Variants in EPHA3 observed in about 807,000 individuals in gnomAD.
EPHA3 encodes EPH receptor A3, also known as ephrin type-A receptor 3.
EPHA3 carries 42 observed loss-of-function variants against 107.1 expected under a neutral mutation model. That is an observed-to-expected ratio of 0.39 (90% confidence interval 0.31 to 0.51). The LOEUF (loss-of-function observed/expected upper bound fraction) is 0.51, where lower values mean the gene tolerates loss of function less well. Among genes scored for constraint, EPHA3 ranks in the 20% least tolerant of loss-of-function variants. The pLI, the probability that EPHA3 is intolerant of heterozygous loss-of-function variation, is 0.78. For missense variants in EPHA3, 1,183 were observed against 1,211.2 expected (o/e 0.98, Z 0.35); for synonymous variants, 461 against 424.8 (o/e 1.09, Z -1.05).
At chr3:89,356,746 T>C (rs1288976635) in intron 5 of EPHA3, among the ~76,000 whole-genome samples, 1 of 150,968 alleles carries the variant, frequency 6.6e-6, no homozygotes, top group Non-Finnish European at 1.5e-5. Context: ...GTAATGGAAA[T>C]GACTGATTGA....
intron 5 of EPHA3, among the ~76,000 whole-genome samples, chr3:89,345,728 C>T (rs548289302): frequency 3.7e-4 from 54 of 144,874 alleles, no homozygotes; most frequent in Admixed American, 1.5e-3. Context: ...AACTCGTCAT[C>T]TAGCATTAGG....
intron 3 of EPHA3, among the ~76,000 whole-genome samples, chr3:89,253,096 A>T (rs1459396743): frequency 6.6e-6 from 1 of 152,034 alleles, no homozygotes; most frequent in Non-Finnish European, 1.5e-5. Flanking sequence ...TGGTTAAAAG[A>T]GTTCTGCAAA....
chr3:89,357,556 A>G (rs1707994124), intron 5 of EPHA3, among the ~76,000 whole-genome samples: 3 of 151,266 alleles, frequency 2.0e-5, no homozygotes, highest in African/African-American at 7.3e-5. Flanking sequence ...AAGGAGGGCA[A>G]TTGGGTATAT....
chr3:89,327,386 T>C (rs1348481416), intron 3 of EPHA3, among the ~76,000 whole-genome samples: 1 of 152,168 alleles, frequency 6.6e-6, no homozygotes, highest in Admixed American at 6.5e-5. Flanking sequence ...AATGATTTTA[T>C]AGAATACTTC....
intron 10 of EPHA3, among the ~76,000 whole-genome samples, chr3:89,418,954 T>C (rs560768359): frequency 6.6e-6 from 1 of 151,546 alleles, no homozygotes; most frequent in East Asian, 2.0e-4. Flanking sequence ...ACATTATTTA[T>C]AGTGTCGTAC....
At chr3:89,455,248 C>T (rs1037156110) in intron 15 of EPHA3, among the ~76,000 whole-genome samples, 6 of 152,018 alleles carry the variant, frequency 3.9e-5, no homozygotes, top group Admixed American at 1.3e-4. Context: ...GGAATAGCTG[C>T]GAAAGAGTCT....
chr3:89,356,193 A>G (rs1233425535), intron 5 of EPHA3, among the ~76,000 whole-genome samples: 1 of 150,786 alleles, frequency 6.6e-6, no homozygotes, highest in African/African-American at 2.4e-5. Context: ...ATAGTATTCC[A>G]TGGTGTATAT....
At chr3:89,395,510 T>A (rs1162211167) in intron 5 of EPHA3, among the ~76,000 whole-genome samples, 1 of 152,180 alleles carries the variant, frequency 6.6e-6, no homozygotes, top group African/African-American at 2.4e-5. Flanking sequence ...CTTTTTTTAA[T>A]ACATCAAATA....
At chr3:89,413,777 T>G (rs1312600753) in intron 10 of EPHA3, among the ~76,000 whole-genome samples, 3 of 151,774 alleles carry the variant, frequency 2.0e-5, no homozygotes, top group Non-Finnish European at 4.4e-5. Context: ...TGAATAGTCT[T>G]ATGTGTTAAA....
chr3:89,479,008 A>C (rs1197420439), intron 16 of EPHA3, among the ~76,000 whole-genome samples: 1 of 151,906 alleles, frequency 6.6e-6, no homozygotes, highest in Non-Finnish European at 1.5e-5. Context: ...CCAATCTCTG[A>C]CTCCATTTGT....
At chr3:89,112,489 C>A (rs1028118032) in intron 1 of EPHA3, among the ~76,000 whole-genome samples, 20 of 151,822 alleles carry the variant, frequency 1.3e-4, no homozygotes, top group African/African-American at 4.6e-4. Context: ...CAATAAATTT[C>A]TTTCTAATGT....
chr3:89,230,929 T>C (rs575002620), intron 3 of EPHA3, among the ~76,000 whole-genome samples: 1 of 152,064 alleles, frequency 6.6e-6, no homozygotes, highest in African/African-American at 2.4e-5. Context: ...ACAGGCATGG[T>C]CGTGCCCATC....
intron 2 of EPHA3, among the ~76,000 whole-genome samples, chr3:89,136,411 G>A (rs1576175179): frequency 7.6e-6 from 1 of 131,040 alleles, no homozygotes; most frequent in Admixed American, 9.0e-5. Flanking sequence ...ACGTGGACAG[G>A]TGCTAGAAAT....
At chr3:89,111,566 C>A (rs1367430673) in intron 1 of EPHA3, among the ~76,000 whole-genome samples, 6 of 134,194 alleles carry the variant, frequency 4.5e-5, no homozygotes, top group Non-Finnish European at 9.3e-5. Context: ...GTAGGAGAAA[C>A]CTTATTTTCA....
At chr3:89,119,418 A>G (rs752469474) in intron 1 of EPHA3, among the ~76,000 whole-genome samples, 2 of 152,114 alleles carry the variant, frequency 1.3e-5, no homozygotes, top group Non-Finnish European at 2.9e-5. Flanking sequence ...GATGCTTTCC[A>G]TTGACACCAT....
intron 13 of EPHA3, among the ~76,000 whole-genome samples, chr3:89,446,130 T>C (rs1288869486): frequency 6.6e-6 from 1 of 152,150 alleles, no homozygotes; most frequent in Non-Finnish European, 1.5e-5. Context: ...TTTAATAAGA[T>C]TTACACAGGT....
chr3:89,169,986 C>T (rs984778550), intron 2 of EPHA3, among the ~76,000 whole-genome samples: 1 of 152,070 alleles, frequency 6.6e-6, no homozygotes, highest in African/African-American at 2.4e-5. Context: ...CGGTGACTCA[C>T]GCCTGTAATC....
intron 2 of EPHA3, among the ~76,000 whole-genome samples, chr3:89,186,504 C>T (rs1489532821): frequency 3.3e-5 from 5 of 152,126 alleles, no homozygotes; most frequent in African/African-American, 1.2e-4. Context: ...GAATTTCACT[C>T]TGTGAAATGA....
At chr3:89,121,980 G>A (rs565532743) in intron 1 of EPHA3, among the ~76,000 whole-genome samples, 1 of 152,050 alleles carries the variant, frequency 6.6e-6, no homozygotes, top group Non-Finnish European at 1.5e-5. Flanking sequence ...AGAAAATATA[G>A]GTCGATTTCT....
Sources: gnomAD v4.1 joint callset for allele counts (sites outside exome capture counted in the v4.1 genomes callset) on GRCh38, gnomAD v4.1.1 for gene constraint, MANE v1.5 for transcripts, NCBI Gene and HGNC (gene_info 2026-07-23, HGNC 2026-07-21) for gene names.